RTKN: variants seen among roughly 807,000 people sequenced by gnomAD.
RTKN encodes the protein rhotekin.
Under a neutral mutation model 63.5 loss-of-function variants are expected in RTKN, and 49 were observed. The observed-to-expected ratio is 0.77, with a 90% CI of 0.61 to 0.98. The LOEUF is 0.98. RTKN is among the 50% of genes least tolerant of loss of function. The pLI, the probability that RTKN is intolerant of heterozygous loss-of-function variation, is 0.00. For missense variants in RTKN, 685 were observed against 740.8 expected, an observed-to-expected ratio of 0.92 and a Z score of 0.87; for synonymous variants, 295 against 290.4, an observed-to-expected ratio of 1.02 and a Z score of -0.16.
chr2:74,426,824 T>G (rs1573233148), intron 11 of RTKN: 4 of 1,341,480 alleles, frequency 3.0e-6, no homozygotes, highest in Non-Finnish European at 3.8e-6. Context: ...CAGAGGTGGG[T>G]GAAGAAACCA....
intron 8 of RTKN, 48 bp downstream of exon 8, chr2:74,428,583 C>T (rs1293980707): frequency 6.4e-7 from 1 of 1,562,852 alleles, no homozygotes; most frequent in Non-Finnish European, 8.8e-7. Flanking sequence ...TTATCCAGCT[C>T]TCCTCTGCCT....
At chr2:74,437,283 C>G (rs569043433) in intron 1 of RTKN, among the ~76,000 whole-genome samples, 2 of 152,334 alleles carry the variant, frequency 1.3e-5, no homozygotes, top group East Asian at 3.9e-4. Context: ...AATAAGCCCC[C>G]TTTACTTGCA....
chr2:74,426,659 G>A (rs1670414251), intron 11 of RTKN, 85 bp from the exon 12 acceptor site: 1 of 1,474,004 alleles, frequency 6.8e-7, no homozygotes, highest in South Asian at 1.5e-5. Flanking sequence ...ACCTGTCACT[G>A]TAATAGGAGG....
intron 1 of RTKN, among the ~76,000 whole-genome samples, chr2:74,433,878 T>C (rs907949151): frequency 6.6e-6 from 1 of 152,126 alleles, no homozygotes; most frequent in African/African-American, 2.4e-5. Context: ...CTGTACCCTG[T>C]AGTATTGCAG....
chr2:74,440,552 G>A, intron 1 of RTKN: 2 of 986,026 alleles, frequency 2.0e-6, no homozygotes, highest in Non-Finnish European at 2.4e-6. Context: ...GCCAGGCCCT[G>A]CGGCTCCGCC....
chr2:74,433,662 T>C (rs1670894201), intron 1 of RTKN, among the ~76,000 whole-genome samples: 1 of 152,034 alleles, frequency 6.6e-6, no homozygotes, highest in African/African-American at 2.4e-5. Context: ...GCTAATTGTT[T>C]TTTTGTATTT....
chr2:74,439,642 C>T (rs1443302014), intron 1 of RTKN: 1 of 1,613,806 alleles, frequency 6.2e-7, no homozygotes. Flanking sequence ...CCCCGGTGCC[C>T]TTTCCCTTGT....
At chr2:74,431,324 C>T (rs1670740293) in intron 2 of RTKN, among the ~76,000 whole-genome samples, 1 of 152,132 alleles carries the variant, frequency 6.6e-6, no homozygotes, top group South Asian at 2.1e-4. Context: ...TCCCCCACAC[C>T]CCACTGCAGG....
Position 74,439,622 on chromosome 2 carries a change from T to A in RTKN, c.111+2084A>T, listed in dbSNP as rs545104709. The A allele has an allele frequency of 2.7e-5, 44 of 1,614,024 alleles. 2 individuals are homozygous for A. In the South Asian group the frequency reaches 4.6e-4, roughly 17 times the overall value. On this transcript the variant is annotated intron_variant, in intron 1 of 11. Coordinates refer to ENST00000272430, the MANE Select transcript of RTKN (RefSeq NM_001015055.2). Reference sequence around the variant, plus strand: ...TCCAGGATGTGCAATCTGTCCTGCATCTCTGTGCCCCCCGGTGCCCTTTCC... The same window carrying A: ...TCCAGGATGTGCAATCTGTCCTGCAACTCTGTGCCCCCCGGTGCCCTTTCC...
Position 74,427,392 on chromosome 2 carries a change from C to CA in RTKN, c.1255+31dup, listed in dbSNP as rs746235610. 4.3e-6 allele frequency: 7 copies of CA among 1,611,246 alleles called. No individual in the cohort carries two copies. The South Asian group carries it at 5.5e-5, about 13-fold the overall frequency. On this transcript the variant is annotated intron_variant, in intron 10 of 11. Transcript: ENST00000272430. The stretch of plus-strand genomic sequence containing the variant: ...AAAAATGACAAACTCCAGTTCTTCC[C>CA]AAAGGTTCAACCCAGCCCCCTTCTC...
chr2:74,426,700 C>T (rs1056080079), intron 11 of RTKN, 126 bp from the exon 12 acceptor site: 11 of 1,405,144 alleles, frequency 7.8e-6, no homozygotes, highest in Middle Eastern at 2.6e-4. Context: ...GTGGAGATTG[C>T]GTTATCCTGC....
chr2:74,434,458 T>C (rs569208792), intron 1 of RTKN, among the ~76,000 whole-genome samples: 78 of 152,248 alleles, frequency 5.1e-4, no homozygotes, highest in South Asian at 1.0e-3. Flanking sequence ...TTTTGTATTT[T>C]TAGTAGAGAC....
intron 1 of RTKN, chr2:74,439,433 C>T: frequency 8.8e-7 from 1 of 1,141,678 alleles, no homozygotes; most frequent in Non-Finnish European, 1.3e-6. Flanking sequence ...ACCTGTCCCT[C>T]TTCCCACTTT....
At chr2:74,427,649 C>G in intron 9 of RTKN, 57 bp from the exon 10 acceptor site, 1 of 1,553,952 alleles carries the variant, frequency 6.4e-7, no homozygotes, top group Non-Finnish European at 8.8e-7. Context: ...GACAATCAGG[C>G]AGCCTTGATC....
chr2:74,439,504 T>G, intron 1 of RTKN: 1 of 1,600,260 alleles, frequency 6.2e-7, no homozygotes, highest in Non-Finnish European at 8.6e-7. Context: ...AGATTGGGGC[T>G]GGGATGCAAG....
chr2:74,429,236 G>C (rs1261541480), intron 6 of RTKN, among the ~76,000 whole-genome samples: 1 of 152,148 alleles, frequency 6.6e-6, no homozygotes, highest in African/African-American at 2.4e-5. Context: ...ATAATTTATA[G>C]GTGGAAAGTG....
At chr2:74,440,989 C>T (rs895678301) in intron 1 of RTKN, among the ~76,000 whole-genome samples, 3 of 152,242 alleles carry the variant, frequency 2.0e-5, no homozygotes, top group Non-Finnish European at 2.9e-5. Flanking sequence ...TTCGGGGTAG[C>T]TATTCGCCCT....
At chr2:74,440,542 G>A (rs1671310714) in intron 1 of RTKN, 2 of 985,894 alleles carry the variant, frequency 2.0e-6, no homozygotes, top group African/African-American at 3.5e-5. Context: ...CTCGGCGGCC[G>A]CCAGGCCCTG....
rs1390193181 is a variant in RTKN, at chr2:74,441,860, C to A, written c.-44G>T. On this transcript the variant is annotated 5_prime_UTR_variant, in exon 1 of 12. Coordinates refer to ENST00000272430, the MANE Select transcript of RTKN (RefSeq NM_001015055.2). ...TTGCCTGCTCAGTGCGCTCCCCGCG[C>A]CGCCCGGCTTAGCCTCCTCTCCTCG... 3 of 1,303,196 alleles carry A rather than the reference C, an allele frequency of 2.3e-6. No homozygotes were observed. The highest frequency in any genetic ancestry group is 3.3e-6 in the Non-Finnish European group (3 of 916,948). The allele number at this position is 1,303,196 out of a possible 1,614,324, so 80.7% of individuals were successfully genotyped here.
Sources: allele counts gnomAD v4.1 joint callset (sites outside exome capture counted in the v4.1 genomes callset), GRCh38; gene constraint gnomAD v4.1.1; transcripts MANE v1.5; gene names NCBI Gene and HGNC (gene_info 2026-07-23, HGNC 2026-07-21).